Variants in PPFIBP2 observed in about 807,000 individuals in gnomAD.
The protein encoded by PPFIBP2 is liprin-beta-2.
PPFIBP2 carries 118 observed loss-of-function variants against 118.3 expected under a neutral mutation model. That is an observed-to-expected ratio of 1.00 (90% confidence interval 0.86 to 1.16). The LOEUF is 1.16. Ranked by LOEUF, PPFIBP2 falls within the 50% of genes most tolerant of loss-of-function variation. The pLI is 0.00. For missense variants in PPFIBP2, 1,195 were observed against 1,073.1 expected (o/e 1.11, Z -1.59); for synonymous variants, 414 against 397.4 (o/e 1.04, Z -0.50).
intron 2 of PPFIBP2, among the ~76,000 whole-genome samples, chr11:7,554,591 T>C (rs1346544679): frequency 1.3e-5 from 2 of 152,092 alleles, no homozygotes; most frequent in Non-Finnish European, 2.9e-5. Context: ...GAGGACATCC[T>C]AATGCGCAAG....
Position 7,651,709 on chromosome 11 carries a change from C to A in PPFIBP2, c.2301C>A (p.Pro767=). The A allele has an allele frequency of 1.2e-6, 2 of 1,613,890 alleles. No homozygotes were observed. Among genetic ancestry groups the A allele is most frequent in the Non-Finnish European group, 1.7e-6 (2 of 1,179,750 alleles). Residue 767 remains proline, a synonymous_variant, in exon 23 of 24, where the codon CCC becomes CCA. Coordinates refer to ENST00000299492, the MANE Select transcript of PPFIBP2 (RefSeq NM_003621.5). ...CCCTGGCTATGCTTCTCAACATCCC[C>A]CCACAAAAGACGCTCCTCAGGCGCC... is the stretch of plus-strand genomic sequence containing the variant. ...GDTLAMLLNI[P]PQKTLLRRHL...
chr11:7,620,295 A>G (rs1012122939), intron 6 of PPFIBP2, among the ~76,000 whole-genome samples: 4 of 152,082 alleles, frequency 2.6e-5, no homozygotes, highest in East Asian at 1.9e-4. Context: ...CTGTGTGCCT[A>G]CACCCTCAGC....
chr11:7,563,136 T>C (rs1854537159), intron 2 of PPFIBP2, among the ~76,000 whole-genome samples: 1 of 151,638 alleles, frequency 6.6e-6, no homozygotes, highest in Admixed American at 6.6e-5. Context: ...CACACAGTGA[T>C]ATAAAGTTAA....
intron 4 of PPFIBP2, among the ~76,000 whole-genome samples, chr11:7,594,594 C>G (rs1160715278): frequency 1.3e-5 from 2 of 151,714 alleles, no homozygotes; most frequent in African/African-American, 4.9e-5. Context: ...CCAGCTTGAC[C>G]AGCATGGTGA....
Position 7,622,735 on chromosome 11 carries a change from C to A in PPFIBP2, c.711+1708C>A, listed in dbSNP as rs571050247. On this transcript the variant is annotated intron_variant, in intron 7 of 23. Transcript: ENST00000299492. ...CTGAGTGTAGTTTTGTATGTGTATG[C>A]TTCACAGGCACCAGCTCTAGGGGCA... is the stretch of plus-strand genomic sequence containing the variant. Among the ~76,000 whole-genome samples, 40 of 152,268 alleles carry A rather than the reference C, an allele frequency of 2.6e-4. No individual in the cohort carries two copies. In the South Asian group the frequency reaches 7.9e-3, roughly 30 times the overall value.
chr11:7,637,579 C>A (rs1403899463), intron 14 of PPFIBP2, among the ~76,000 whole-genome samples: 2 of 152,154 alleles, frequency 1.3e-5, no homozygotes, highest in African/African-American at 4.8e-5. Flanking sequence ...TAATTTAAAG[C>A]AGCTGGATAA....
intron 1 of PPFIBP2, among the ~76,000 whole-genome samples, chr11:7,544,512 C>A (rs765343692): frequency 1.3e-5 from 2 of 152,082 alleles, no homozygotes; most frequent in African/African-American, 4.8e-5. Context: ...TCCCGGTTCA[C>A]GCCTGTATTC....
At chr11:7,560,514 T>C (rs1256611911) in intron 2 of PPFIBP2, among the ~76,000 whole-genome samples, 1 of 149,972 alleles carries the variant, frequency 6.7e-6, no homozygotes, top group African/African-American at 2.4e-5. Context: ...ATGAATCATA[T>C]TCTTTCTTTC....
downstream of PPFIBP2, among the ~76,000 whole-genome samples, chr11:7,656,074 T>C (rs1329279682): frequency 1.3e-5 from 2 of 152,194 alleles, no homozygotes; most frequent in Non-Finnish European, 2.9e-5. Flanking sequence ...TCTGTGACCT[T>C]GGATGTCATT....
intron 3 of PPFIBP2, among the ~76,000 whole-genome samples, chr11:7,572,530 C>T (rs138218911): frequency 6.6e-6 from 1 of 152,290 alleles, no homozygotes; most frequent in East Asian, 1.9e-4. Flanking sequence ...AAATCCTTCC[C>T]CACTATATTT....
At chr11:7,641,001 A>G (rs1852105599) in intron 15 of PPFIBP2, 1 of 1,261,032 alleles carries the variant, frequency 7.9e-7, no homozygotes. Context: ...TTGTTTCTTC[A>G]TGTGGCTTCT....
In PPFIBP2 at chr11:7,560,513, ATTCT is replaced by A. The variant is rs202023973; in HGVS notation, c.65-5032_65-5029del. ...TTTTTTATACAGCTATATGAATCATATTCTTTCTTTCAGAAGTTATTTAAACATT... is the reference window on the plus strand; with the variant it reads ...TTTTTTATACAGCTATATGAATCATATTCTTTCAGAAGTTATTTAAACATT... On this transcript the variant is annotated intron_variant, in intron 2 of 23. Coordinates refer to ENST00000299492, the MANE Select transcript of PPFIBP2 (RefSeq NM_003621.5). Among the ~76,000 whole-genome samples the A allele has an allele frequency of 7.5e-3, 1,139 of 152,318 alleles. 15 individuals are homozygous for A. Among genetic ancestry groups the A allele is most frequent in the South Asian group, 0.052 (249 of 4,824 alleles).
At chr11:7,649,415 C>G in intron 20 of PPFIBP2, 117 bp from the exon 21 acceptor site, 1 of 1,402,524 alleles carries the variant, frequency 7.1e-7, no homozygotes. Context: ...ATTGGTGTCT[C>G]CACGTGCACC....
Position 7,628,268 on chromosome 11 carries a change from T to C in PPFIBP2, c.827-17T>C. The stretch of plus-strand genomic sequence containing the variant: ...GTATTTATATAAATAATTATTTCTA[T>C]ACCTGAATTCTTTTAGACCAAGAAA... On this transcript the variant is annotated splice_polypyrimidine_tract_variant and intron_variant, in intron 8 of 23. Transcript: ENST00000299492. The C allele has an allele frequency of 5.0e-6, 8 of 1,605,190 alleles. No homozygotes were observed. The highest frequency in any genetic ancestry group is 6.8e-6 in the Non-Finnish European group (8 of 1,172,610).
intron 4 of PPFIBP2, among the ~76,000 whole-genome samples, chr11:7,596,388 TG>T (rs1040290178): frequency 4.1e-5 from 5 of 122,272 alleles, no homozygotes; most frequent in African/African-American, 1.6e-4. Flanking sequence ...AGCCCGTTCT[TG>T]TTTTTTTTTT....
chr11:7,516,208 T>C (rs1011761007), intron 1 of PPFIBP2, among the ~76,000 whole-genome samples: 6 of 151,964 alleles, frequency 3.9e-5, no homozygotes, highest in African/African-American at 1.2e-4. Flanking sequence ...GGAAGCAAAC[T>C]CCAAGGGAAA....
intron 1 of PPFIBP2, among the ~76,000 whole-genome samples, chr11:7,519,945 CAG>C (rs1849593269): frequency 6.6e-6 from 1 of 152,170 alleles, no homozygotes; most frequent in African/African-American, 2.4e-5. Flanking sequence ...TCTGCATGCA[CAG>C]AGAGGCGACT....
chr11:7,651,014 T>C, intron 22 of PPFIBP2, 49 bp downstream of exon 22: 1 of 1,576,782 alleles, frequency 6.3e-7, no homozygotes. Context: ...AAATGGGATA[T>C]TCAGAAACTT....
In PPFIBP2 at chr11:7,596,389, G is replaced by T. The variant is rs201821968; in HGVS notation, c.373-1171G>T. Among the ~76,000 whole-genome samples, 1,214 of 139,208 alleles carry T rather than the reference G, an allele frequency of 8.7e-3. 14 individuals are homozygous for T. The highest frequency in any genetic ancestry group is 0.03 in the African/African-American group (1,162 of 38,176). 91.3% of individuals were successfully genotyped at this position (139,208 alleles called of 152,430 possible). A position where few individuals can be genotyped will look rare whatever the true frequency, so the allele number is the denominator to read the frequency against. ...AAGTTGATAGAAAGAGCCCGTTCTT[G>T]TTTTTTTTTTTTTTTTTAACATTTT... On this transcript the variant is annotated intron_variant, in intron 4 of 23. Coordinates refer to ENST00000299492, the MANE Select transcript of PPFIBP2 (RefSeq NM_003621.5).
Sources: allele counts gnomAD v4.1 joint callset (sites outside exome capture counted in the v4.1 genomes callset), GRCh38; gene constraint gnomAD v4.1.1; transcripts MANE v1.5; gene names NCBI Gene and HGNC (gene_info 2026-07-23, HGNC 2026-07-21).